The following TANC2 variants were observed in gnomAD, a reference collection of about 807,000 sequenced individuals.
TANC2 encodes protein TANC2.
In TANC2, 26 loss-of-function variants were observed where a neutral mutation model predicts 210.5. That is an observed-to-expected ratio of 0.12 (90% CI 0.09 to 0.17). TANC2 has a LOEUF of 0.17. TANC2 is among the 10% of genes least tolerant of loss of function. The probability of loss-of-function intolerance (pLI) is 1.00; values close to 1 mark genes in which losing one functional copy is unlikely to be tolerated. For missense variants in TANC2, 2,129 were observed against 2,608.9 expected (o/e 0.82, Z 4.01); for synonymous variants, 931 against 967.1 (o/e 0.96, Z 0.69).
At chr17:63,422,429 C>T (rs1353704407) in exon 28 of TANC2, 2 of 170,460 alleles carry the variant, frequency 1.2e-5, no homozygotes, top group Non-Finnish European at 1.3e-5. Flanking sequence ...AGCCGCAGCG[C>T]ATTCTCATGC....
Position 63,237,801 on chromosome 17 carries a change from C to CT in TANC2, c.770-4dup, listed in dbSNP as rs763320604. On this transcript the variant is annotated splice_polypyrimidine_tract_variant and intron_variant, in intron 7 of 27. Coordinates refer to ENST00000689528, the Ensembl canonical transcript of TANC2. ...GTGGCTTTATTAAATTCATTTTACTCTTTTTTTTTCAGCTACATTAACAAG... is the reference window on the plus strand; with the variant it reads ...GTGGCTTTATTAAATTCATTTTACTCTTTTTTTTTTCAGCTACATTAACAAG... 475 of 1,503,448 alleles carry CT rather than the reference C, an allele frequency of 3.2e-4. No homozygotes were observed. The highest frequency in any genetic ancestry group is 6.4e-4 in the Admixed American group (29 of 45,578). 93.1% of individuals were successfully genotyped at this position (1,503,448 alleles called of 1,614,324 possible).
At chr17:63,302,366 T>C (rs1240401236) in intron 9 of TANC2, among the ~76,000 whole-genome samples, 3 of 152,114 alleles carry the variant, frequency 2.0e-5, no homozygotes, top group Non-Finnish European at 4.4e-5. Context: ...CTGTCTAATA[T>C]TGACAATGGG....
intron 8 of TANC2, among the ~76,000 whole-genome samples, chr17:63,243,765 C>T (rs1406619233): frequency 6.6e-6 from 1 of 151,990 alleles, no homozygotes; most frequent in African/African-American, 2.4e-5. Context: ...TTCAAAAAGT[C>T]CATGGAAAAC....
At position 63,421,440 on chromosome 17, in the gene TANC2, T is replaced by C. The variant is rs751887014; in HGVS notation, c.5710T>C (p.Cys1904Arg). The C allele has an allele frequency of 2.9e-5, 46 of 1,613,878 alleles. No homozygotes were observed. Among genetic ancestry groups the C allele is most frequent in the Non-Finnish European group, 3.4e-5 (40 of 1,179,888 alleles). The change falls in exon 28 of 28, where the codon TGT (cysteine) becomes CGT (arginine). Residue 1904 changes from cysteine (C) to arginine (R), a missense_variant. Cys to Arg is a radical substitution (Grantham distance 180, BLOSUM62 -3). Around this residue, in one of 5 missense-constraint regions of TANC2, gnomAD observed 584 missense variants for 627.3 expected, o/e 0.93. Transcript: ENST00000689528. The surrounding 1 kb of genome is among the most constrained non-coding windows in gnomAD (Gnocchi z 6.9). Reference sequence around the variant, plus strand: ...ACTGAAACCTGCATATGAGAGGTCATGTGACGAGCTGTCGCCAGTGTCTCC... The same window carrying C: ...ACTGAAACCTGCATATGAGAGGTCACGTGACGAGCTGTCGCCAGTGTCTCC...
chr17:63,336,187 A>G (rs1162248881), intron 11 of TANC2, among the ~76,000 whole-genome samples: 1 of 152,240 alleles, frequency 6.6e-6, no homozygotes, highest in Non-Finnish European at 1.5e-5. Flanking sequence ...TAGGAAATCA[A>G]TCGGGTGGTA....
intron 7 of TANC2, among the ~76,000 whole-genome samples, chr17:63,217,573 A>G (rs891600563): frequency 1.3e-5 from 2 of 152,230 alleles, no homozygotes; most frequent in African/African-American, 4.8e-5. Context: ...GAACCTGAAT[A>G]GCTGTATTGA....
chr17:63,076,679 A>G (rs546317824), intron 3 of TANC2, among the ~76,000 whole-genome samples: 4 of 152,324 alleles, frequency 2.6e-5, no homozygotes, highest in African/African-American at 9.6e-5. Context: ...GGAAAATTAT[A>G]GAACTATTAT....
At chr17:63,002,599 T>C (rs1568308738) in intron 1 of TANC2, among the ~76,000 whole-genome samples, 3 of 152,210 alleles carry the variant, frequency 2.0e-5, no homozygotes, top group African/African-American at 7.2e-5. Context: ...CTTCAAAACA[T>C]ATAGAATATT....
intron 7 of TANC2, among the ~76,000 whole-genome samples, chr17:63,225,654 G>A (rs375706692): frequency 2.0e-5 from 3 of 152,070 alleles, no homozygotes; most frequent in Non-Finnish European, 2.9e-5. Flanking sequence ...CAGAAACCAG[G>A]ATATTATTCA....
chr17:62,974,521 TA>T (rs1241360497), intron 1 of TANC2, among the ~76,000 whole-genome samples: 3 of 152,090 alleles, frequency 2.0e-5, no homozygotes, highest in Non-Finnish European at 2.9e-5. Flanking sequence ...GGGGTATTTT[TA>T]TGGAGTGTAT....
At chr17:63,319,155 G>A in intron 11 of TANC2, 65 bp downstream of exon 11, 1 of 1,525,386 alleles carries the variant, frequency 6.6e-7, no homozygotes, top group South Asian at 1.2e-5. Flanking sequence ...AGCAAAGATA[G>A]GGAGACCTTT....
chr17:63,337,893 G>C (rs1390252560), intron 11 of TANC2, among the ~76,000 whole-genome samples: 2 of 152,128 alleles, frequency 1.3e-5, no homozygotes, highest in Non-Finnish European at 2.9e-5. Flanking sequence ...TCTTGCATTA[G>C]TTTGCTAAAG....
chr17:63,242,353 C>T (rs1255158996), intron 8 of TANC2, among the ~76,000 whole-genome samples: 1 of 151,962 alleles, frequency 6.6e-6, no homozygotes, highest in Admixed American at 6.6e-5. Flanking sequence ...TAATATCTCT[C>T]TCCAAAGGTT....
chr17:63,249,312 A>G (rs751166324), intron 8 of TANC2, among the ~76,000 whole-genome samples: 3 of 152,190 alleles, frequency 2.0e-5, no homozygotes, highest in African/African-American at 7.2e-5. Context: ...CAAAATGTAA[A>G]TTGCTATTGC....
At chr17:63,361,070 A>G (rs546331968) in intron 14 of TANC2, among the ~76,000 whole-genome samples, 24 of 152,282 alleles carry the variant, frequency 1.6e-4, no homozygotes, top group African/African-American at 5.1e-4. Flanking sequence ...GTTACTTCCA[A>G]ATCTTGGCTG....
intron 2 of TANC2, among the ~76,000 whole-genome samples, chr17:63,046,418 A>G (rs2035386884): frequency 7.6e-6 from 1 of 131,146 alleles, no homozygotes; most frequent in African/African-American, 3.0e-5. Context: ...TGCATCCTCC[A>G]CCTCCCGGAT....
intron 12 of TANC2, among the ~76,000 whole-genome samples, chr17:63,341,841 G>A (rs1350168698): frequency 1.3e-5 from 2 of 152,092 alleles, no homozygotes; most frequent in Non-Finnish European, 2.9e-5. Flanking sequence ...TCAATTCCTT[G>A]TTCTGACATT....
rs1452388871 is a variant in TANC2, at chr17:63,421,359, T to C, written c.5629T>C (p.Ser1877Pro). Residue 1877 changes from serine to proline, a missense_variant, in exon 28 of 28, where the codon TCC becomes CCC. Transcript: ENST00000689528. The surrounding 1 kb of genome is among the most constrained non-coding windows in gnomAD (Gnocchi z 6.9). ...ATCTAGCAATAGTATCTCCTCCACC[T>C]CCAACCTAACTCCGACCTTCCGGCC... 6.2e-7 allele frequency: 1 copy of C among 1,613,880 alleles called. No homozygotes were observed. Among genetic ancestry groups the C allele is most frequent in the East Asian group, 2.2e-5 (1 of 44,884 alleles).
chr17:63,427,144 T>A (rs962143509), exon 28 of TANC2: 3 of 152,316 alleles, frequency 2.0e-5, no homozygotes, highest in African/African-American at 7.2e-5. Context: ...TCAGGGCAGG[T>A]GCCTTTTCAG....
Sources: allele counts gnomAD v4.1 joint callset (sites outside exome capture counted in the v4.1 genomes callset), GRCh38; gene constraint gnomAD v4.1.1; regional missense constraint gnomAD v4.1.1; non-coding constraint Gnocchi (gnomAD v3.1); transcripts MANE v1.5; gene names NCBI Gene and HGNC (gene_info 2026-07-23, HGNC 2026-07-21).